Variants in ACAP2 observed in about 807,000 individuals in gnomAD.
ACAP2 encodes the protein arf-GAP with coiled-coil, ANK repeat and PH domain-containing protein 2.
In ACAP2, 39 loss-of-function variants were observed where a neutral mutation model predicts 115.8. The ratio of observed to expected loss-of-function variants is 0.34; its 90% CI spans 0.26 to 0.44. The LOEUF is 0.44. ACAP2 is among the 20% of genes least tolerant of loss of function. The pLI, the probability that ACAP2 is intolerant of heterozygous loss-of-function variation, is 1.00. For synonymous variants in ACAP2, 289 were observed against 315.8 expected (o/e 0.92, Z 0.90); for missense variants, 662 against 927.6 (o/e 0.71, Z 3.72).
At chr3:195,293,431 T>A (rs1169676948) in intron 18 of ACAP2, among the ~76,000 whole-genome samples, 3 of 152,202 alleles carry the variant, frequency 2.0e-5, no homozygotes, top group Non-Finnish European at 4.4e-5. Flanking sequence ...GATCTCTTTC[T>A]CCTGATAGGA....
At chr3:195,390,679 G>A (rs1353153356) in intron 2 of ACAP2, among the ~76,000 whole-genome samples, 1 of 152,160 alleles carries the variant, frequency 6.6e-6, no homozygotes, top group Non-Finnish European at 1.5e-5. Context: ...TTTTTCACAA[G>A]ATGGGATCCC....
At chr3:195,299,964 C>A (rs886135608) in intron 15 of ACAP2, among the ~76,000 whole-genome samples, 2 of 150,688 alleles carry the variant, frequency 1.3e-5, no homozygotes, top group African/African-American at 4.9e-5. Flanking sequence ...GAGTGAATTT[C>A]AAAAAAAATT....
intron 1 of ACAP2, among the ~76,000 whole-genome samples, chr3:195,415,954 C>T (rs1028009812): frequency 6.6e-6 from 1 of 151,362 alleles, no homozygotes; most frequent in African/African-American, 2.4e-5. Flanking sequence ...TTCTACAAAT[C>T]AAAAAGAAAT....
At chr3:195,434,166 C>A (rs970285111) in intron 1 of ACAP2, among the ~76,000 whole-genome samples, 3 of 152,122 alleles carry the variant, frequency 2.0e-5, no homozygotes, top group African/African-American at 7.2e-5. Context: ...TGGACGCAAG[C>A]AATCCTCCCA....
intron 10 of ACAP2, among the ~76,000 whole-genome samples, chr3:195,315,383 T>C (rs1172752049): frequency 6.6e-6 from 1 of 152,242 alleles, no homozygotes; most frequent in Non-Finnish European, 1.5e-5. Context: ...CGTTCTTCAA[T>C]AGCATGTGAA....
At chr3:195,435,356 G>A (rs1447042174) in intron 1 of ACAP2, among the ~76,000 whole-genome samples, 1 of 151,882 alleles carries the variant, frequency 6.6e-6, no homozygotes, top group African/African-American at 2.4e-5. Context: ...TGTATTTTTA[G>A]TAGAGACGGG....
intron 1 of ACAP2, among the ~76,000 whole-genome samples, chr3:195,435,711 T>C (rs531400758): frequency 3.9e-5 from 6 of 152,302 alleles, no homozygotes; most frequent in Non-Finnish European, 7.3e-5. Flanking sequence ...GGTCAGAAAA[T>C]ATTTTGTATG....
intron 1 of ACAP2, 90 bp downstream of exon 1, chr3:195,442,705 G>T: frequency 7.3e-7 from 1 of 1,371,434 alleles, no homozygotes; most frequent in Non-Finnish European, 9.9e-7. Context: ...GCGGACGGCG[G>T]GGCCTCCTCC....
At chr3:195,314,319 T>C (rs1287980458) in intron 10 of ACAP2, among the ~76,000 whole-genome samples, 1 of 151,634 alleles carries the variant, frequency 6.6e-6, no homozygotes, top group Non-Finnish European at 1.5e-5. Context: ...CAGGCTGGAG[T>C]GCAGTGGTAA....
chr3:195,371,832 T>C (rs1343909285), intron 4 of ACAP2, among the ~76,000 whole-genome samples: 2 of 152,128 alleles, frequency 1.3e-5, no homozygotes, highest in Non-Finnish European at 2.9e-5. Flanking sequence ...CAGCTAATTT[T>C]TGTATTTTTA....
intron 4 of ACAP2, among the ~76,000 whole-genome samples, chr3:195,372,203 A>G (rs1179530036): frequency 6.6e-6 from 1 of 152,236 alleles, no homozygotes; most frequent in Non-Finnish European, 1.5e-5. Flanking sequence ...ACCAGCCTAC[A>G]GGAAAAAAAT....
At chr3:195,282,985 G>A (rs141073624) in intron 22 of ACAP2, among the ~76,000 whole-genome samples, 3,155 of 152,206 alleles carry the variant, frequency 0.021, 39 homozygotes, top group South Asian at 0.051. Context: ...ACCCACCCCA[G>A]GTCATCCTAT....
chr3:195,289,294 T>TAAA, intron 20 of ACAP2, 63 bp from the exon 21 acceptor site: 3 of 889,204 alleles, frequency 3.4e-6, no homozygotes, highest in Non-Finnish European at 5.0e-6. Context: ...GTATTCACCT[T>TAAA]AAAAAAAAAA....
intron 4 of ACAP2, among the ~76,000 whole-genome samples, chr3:195,380,520 C>T (rs1422470719): frequency 6.6e-6 from 1 of 151,960 alleles, no homozygotes; most frequent in African/African-American, 2.4e-5. Context: ...AATATATATC[C>T]CTCATTCTTG....
At chr3:195,365,956 C>T (rs539064491) in intron 4 of ACAP2, among the ~76,000 whole-genome samples, 3 of 152,106 alleles carry the variant, frequency 2.0e-5, no homozygotes, top group African/African-American at 4.8e-5. Context: ...ATTCTCCTAC[C>T]TCAGCCTCCT....
In ACAP2 at chr3:195,308,857, A is replaced by AT. The variant is rs751555890; in HGVS notation, c.858-21dup. 6 of 1,589,606 alleles carry AT rather than the reference A, an allele frequency of 3.8e-6. No individual in the cohort carries two copies. Among genetic ancestry groups the AT allele is most frequent in the South Asian group, 2.3e-5 (2 of 86,060 alleles). ...CAGCGCCTACAGAAACACAAAATAG[A>AT]TTAAGTTTTCATAAACATAATTTAT... On this transcript the variant is annotated intron_variant, in intron 10 of 22. Coordinates refer to ENST00000326793, the MANE Select transcript of ACAP2 (RefSeq NM_012287.6).
chr3:195,363,383 C>T (rs545994748), intron 4 of ACAP2, among the ~76,000 whole-genome samples: 26 of 152,046 alleles, frequency 1.7e-4, no homozygotes, highest in Non-Finnish European at 3.1e-4. Context: ...TGGCTCATGC[C>T]TGTAATCCCA....
chr3:195,294,609 T>TTATATTTATA (rs1727518093), intron 18 of ACAP2, 110 bp downstream of exon 18: 1 of 36,810 alleles, frequency 2.7e-5, no homozygotes. Context: ...AAAAAAAAAA[T>TTATATTTATA]TATATATATA....
chr3:195,288,015 C>T (rs151320607), intron 21 of ACAP2, among the ~76,000 whole-genome samples: 161 of 151,926 alleles, frequency 1.1e-3, no homozygotes, highest in African/African-American at 3.6e-3. Flanking sequence ...GAGGGAGAAT[C>T]GCTTGAACCC....
Sources: allele counts gnomAD v4.1 joint callset (sites outside exome capture counted in the v4.1 genomes callset), GRCh38; gene constraint gnomAD v4.1.1; transcripts MANE v1.5; gene names NCBI Gene and HGNC (gene_info 2026-07-23, HGNC 2026-07-21).